The following KRT73 variants were observed in gnomAD, a reference collection of about 807,000 sequenced individuals.
The protein encoded by KRT73 is keratin, type II cytoskeletal 73.
Under a neutral mutation model 47.2 loss-of-function variants are expected in KRT73, and 44 were observed. That is an observed-to-expected ratio of 0.93 (90% CI 0.73 to 1.20). The LOEUF (loss-of-function observed/expected upper bound fraction) is 1.20. KRT73 is among the 50% of genes most tolerant of loss of function. The pLI, the probability that KRT73 is intolerant of heterozygous loss-of-function variation, is 0.00. For synonymous variants in KRT73, 285 were observed against 291.3 expected (o/e 0.98, Z 0.22); for missense variants, 713 against 704.5 (o/e 1.01, Z -0.14).
chr12:52,614,980 A>G (rs900894986), intron 3 of KRT73: 3 of 532,076 alleles, frequency 5.6e-6, no homozygotes, highest in Admixed American at 3.4e-5. Context: ...ATTTGCCAGA[A>G]ACTAGCAGAG....
At chr12:52,611,529 G>A in intron 5 of KRT73, 200 bp from the exon 6 acceptor site, 2 of 598,580 alleles carry the variant, frequency 3.3e-6, no homozygotes, top group Non-Finnish European at 5.8e-6. Flanking sequence ...TCTCATGGAT[G>A]GTTAGAATTG....
the KRT73 span, among the ~76,000 whole-genome samples, chr12:52,629,565 T>C: frequency 6.6e-6 from 1 of 152,214 alleles, no homozygotes; most frequent in Non-Finnish European, 1.5e-5. Context: ...GGGCCCCAGC[T>C]GCCTGGCCAA....
At position 52,609,263 on chromosome 12, in the gene KRT73, G is replaced by A. The variant is rs1017090835; in HGVS notation, c.1350C>T (p.Thr450=). ...AATACTCACAAATGCTCACGGAGTTGGTATATTCTCCGGACATCCTGCAAG... is the reference window on the plus strand; with the variant it reads ...AATACTCACAAATGCTCACGGAGTTAGTATATTCTCCGGACATCCTGCAAG... ...GEECRMSGEY[T]NSVSISVINS... The change falls in exon 8 of 9, where the codon ACC becomes ACT. Residue 450 remains threonine (T), a synonymous_variant. Coordinates refer to ENST00000305748, the MANE Select transcript of KRT73 (RefSeq NM_175068.3). 7.4e-6 allele frequency: 12 copies of A among 1,613,636 alleles called. No individual in the cohort carries two copies. The highest frequency in any genetic ancestry group is 1.3e-5 in the African/African-American group (1 of 75,018).
At chr12:52,609,363 TC>T in intron 7 of KRT73, 82 bp from the exon 8 acceptor site, 2 of 1,204,590 alleles carry the variant, frequency 1.7e-6, no homozygotes, top group Non-Finnish European at 2.5e-6. Flanking sequence ...AGGCTGGGGA[TC>T]CCCAGCCAGA....
intron 4 of KRT73, 39 bp from the exon 5 acceptor site, chr12:52,613,891 A>T: frequency 2.5e-6 from 4 of 1,600,482 alleles, no homozygotes; most frequent in Non-Finnish European, 3.4e-6. Flanking sequence ...GCCTTCTGTG[A>T]CCAGAGAAAG....
chr12:52,612,858 C>T (rs911508396), intron 5 of KRT73: 4 of 152,324 alleles, frequency 2.6e-5, no homozygotes, highest in South Asian at 2.1e-4. Flanking sequence ...CTGGGCCCTA[C>T]GTTCTTTATC....
In KRT73 at chr12:52,610,823, C is replaced by T. The variant is rs1228965088; in HGVS notation, c.1123G>A (p.Glu375Lys). The part of the protein sequence containing the change: ...ESVKKQCANL[E>K]TAIADAEQRG... ...TGCTCGGCGTCAGCGATGGCCGTCT[C>T]CAGGTTGGCACACTGGGGTCAGGAG... Residue 375 changes from glutamate (E) to lysine (K), a missense_variant, in exon 7 of 9, where the codon GAG becomes AAG. By Grantham distance (56) the Glu-to-Lys change is moderately conservative. Transcript: ENST00000305748. The T allele has an allele frequency of 6.2e-7, 1 of 1,611,884 alleles. No homozygotes were observed. The highest frequency in any genetic ancestry group is 1.3e-5 in the African/African-American group (1 of 74,868).
At chr12:52,621,934 A>G (rs113223373), upstream of KRT73, among the ~76,000 whole-genome samples, 986 of 152,270 alleles carry the variant, frequency 6.5e-3, 8 homozygotes, top group African/African-American at 0.023. Flanking sequence ...CCATGTGGGG[A>G]GCCCAGACTT....
chr12:52,615,261 C>A lies in KRT73; in HGVS notation c.723+18G>T, dbSNP rs761719369. The A allele has an allele frequency of 6.2e-7, 1 of 1,611,226 alleles. No homozygotes were observed. Among genetic ancestry groups the A allele is most frequent in the South Asian group, 1.1e-5 (1 of 90,858 alleles). On this transcript the variant is annotated intron_variant, in intron 3 of 8. Coordinates refer to ENST00000305748, the MANE Select transcript of KRT73 (RefSeq NM_175068.3). ...CCCACTGCTGGGGGACTGAAGGGAA[C>A]CCATGCACCCTCCTCACCTTCTTAA...
Position 52,608,115 on chromosome 12 carries a change from A to G in KRT73, c.*81T>C. ...AGCAAGAAGGAGATGAGGACAAATG[A>G]GACAGAGGAATTTCCTAGAAGAGTC... On this transcript the variant is annotated 3_prime_UTR_variant, in exon 9 of 9. Coordinates refer to ENST00000305748, the MANE Select transcript of KRT73 (RefSeq NM_175068.3). 6.9e-7 allele frequency: 1 copy of G among 1,450,948 alleles called. No individual in the cohort carries two copies. Among genetic ancestry groups the G allele is most frequent in the Non-Finnish European group, 9.3e-7 (1 of 1,069,530 alleles). The allele number at this position is 1,450,948 out of a possible 1,614,324, so 89.9% of individuals were successfully genotyped here. A position where few individuals can be genotyped will look rare whatever the true frequency, so the allele number is the denominator to read the frequency against.
At chr12:52,610,529 GCCCCCTCCC>G in intron 7 of KRT73, 77 bp downstream of exon 7, 4 of 295,156 alleles carry the variant, frequency 1.4e-5, no homozygotes, top group Non-Finnish European at 2.0e-5. Flanking sequence ...CCAGCTCGCC[GCCCCCTCCC>G]CCCCGCCCCC....
upstream of KRT73, chr12:52,618,590 T>C: frequency 2.0e-6 from 3 of 1,500,306 alleles, no homozygotes; most frequent in Non-Finnish European, 2.7e-6. Flanking sequence ...CACCAGCCTG[T>C]GATCCTGGGC....
chr12:52,614,164 G>A lies in KRT73; in HGVS notation c.820-312C>T, dbSNP rs1940762235. The A allele has an allele frequency of 8.5e-6, 3 of 354,250 alleles. No homozygotes were observed. The Admixed American group carries it at 1.3e-4, about 15-fold the overall frequency. 21.9% of individuals were successfully genotyped at this position (354,250 alleles called of 1,614,324 possible). ...GGACACTAAGGGGCACAGGAGCCCA[G>A]AAATGCTTGGCCAATAGGTTGAGGC... On this transcript the variant is annotated intron_variant, in intron 4 of 8. Coordinates refer to ENST00000305748, the MANE Select transcript of KRT73 (RefSeq NM_175068.3).
At chr12:52,614,545 G>C in intron 4 of KRT73, 34 bp downstream of exon 4, 1 of 1,568,180 alleles carries the variant, frequency 6.4e-7, no homozygotes, top group Non-Finnish European at 8.7e-7. Context: ...CCTTCCAGAA[G>C]ACAGAGCCAG....
At chr12:52,618,054 T>C (rs1308686552) in intron 1 of KRT73, 24 bp downstream of exon 1, 1 of 1,609,578 alleles carries the variant, frequency 6.2e-7, no homozygotes, top group Non-Finnish European at 8.5e-7. Flanking sequence ...GAGCCCAAGA[T>C]CAGCTTTCTC....
the KRT73 span, among the ~76,000 whole-genome samples, chr12:52,624,791 A>C: frequency 6.9e-6 from 1 of 145,164 alleles, no homozygotes; most frequent in South Asian, 2.2e-4. Context: ...CCCATAACAG[A>C]AACAAAAAGC....
At chr12:52,614,313 G>A (rs1940765550) in intron 4 of KRT73, 3 of 426,228 alleles carry the variant, frequency 7.0e-6, no homozygotes, top group African/African-American at 4.1e-5. Flanking sequence ...AAGCAGGAAT[G>A]AGAATATGCT....
Position 52,618,421 on chromosome 12 carries a change from C to G in KRT73, c.104G>C (p.Gly35Ala), listed in dbSNP as rs375270081. ...GAAGCCTCCACTGAGCCCTTTGCCC[C>G]CTGCTCGGTAGGAGGATGAGCTGCC... ...SGGSSSSYRA[G>A]GKGLSGGFSS... The change falls in exon 1 of 9, where the codon GGG becomes GCG. Residue 35 changes from glycine (G) to alanine (A), a missense_variant. Gly to Ala is a moderately conservative substitution (Grantham distance 60). Transcript: ENST00000305748. 1.2e-5 allele frequency: 20 copies of G among 1,614,032 alleles called. No homozygotes were observed. Among genetic ancestry groups the G allele is most frequent in the Non-Finnish European group, 1.7e-5 (20 of 1,180,038 alleles).
At position 52,607,759 on chromosome 12, in the gene KRT73, A is replaced by G. The variant is rs1445031796; in HGVS notation, c.*437T>C. The G allele has an allele frequency of 1.3e-5, 2 of 157,902 alleles. No individual in the cohort carries two copies. The highest frequency in any genetic ancestry group is 4.8e-5 in the African/African-American group (2 of 41,626). The allele number at this position is 157,902 out of a possible 1,614,324, so 9.8% of individuals were successfully genotyped here. On this transcript the variant is annotated 3_prime_UTR_variant, in exon 9 of 9. Transcript: ENST00000305748. ...CACCAGGTGTTTTGCCTGAGCCAGT[A>G]TTGCTCTAACATGAGAGAGTTCCTG...
Sources: allele counts gnomAD v4.1 joint callset (sites outside exome capture counted in the v4.1 genomes callset), GRCh38; gene constraint gnomAD v4.1.1; transcripts MANE v1.5; gene names NCBI Gene and HGNC (gene_info 2026-07-23, HGNC 2026-07-21).